PRKG1: variants seen among roughly 807,000 people sequenced by gnomAD.
PRKG1 encodes protein kinase cGMP-dependent 1.
Under a neutral mutation model 88.1 loss-of-function variants are expected in PRKG1, and 35 were observed. The observed-to-expected ratio is 0.40, with a 90% CI of 0.30 to 0.53. The LOEUF is 0.53. Among genes scored for constraint, PRKG1 ranks in the 20% least tolerant of loss-of-function variants. PRKG1 has a pLI of 0.59. For missense variants in PRKG1, 540 were observed against 839.8 expected (o/e 0.64, Z 4.41); for synonymous variants, 303 against 292.5 (o/e 1.04, Z -0.37).
At chr10:51,487,855 T>C (rs1055749275) in intron 3 of PRKG1, among the ~76,000 whole-genome samples, 1 of 152,046 alleles carries the variant, frequency 6.6e-6, no homozygotes, top group East Asian at 1.9e-4. Context: ...ACTCAAAAAG[T>C]GTTTTATTTC....
chr10:51,157,638 T>G (rs564510700), intron 2 of PRKG1, among the ~76,000 whole-genome samples: 1 of 151,996 alleles, frequency 6.6e-6, no homozygotes, highest in East Asian at 1.9e-4. Flanking sequence ...AATTTATACC[T>G]ATTATAATGA....
intron 3 of PRKG1, among the ~76,000 whole-genome samples, chr10:51,711,082 T>C (rs1341106927): frequency 1.3e-5 from 2 of 152,130 alleles, no homozygotes; most frequent in African/African-American, 2.4e-5. Context: ...ATTATGTTAT[T>C]TGAGAACTTT....
intron 1 of PRKG1, among the ~76,000 whole-genome samples, chr10:51,128,517 A>G (rs1321384452): frequency 6.6e-6 from 1 of 152,164 alleles, no homozygotes; most frequent in Non-Finnish European, 1.5e-5. Context: ...TTTAACTCCT[A>G]ATTTACAAAG....
intron 2 of PRKG1, among the ~76,000 whole-genome samples, chr10:51,376,822 C>G (rs1279313806): frequency 6.6e-6 from 1 of 152,012 alleles, no homozygotes; most frequent in Non-Finnish European, 1.5e-5. Flanking sequence ...TTACAGGCAC[C>G]TGCCACAACG....
chr10:51,222,848 T>C (rs553112388), intron 2 of PRKG1, among the ~76,000 whole-genome samples: 13 of 152,198 alleles, frequency 8.5e-5, no homozygotes, highest in African/African-American at 2.6e-4. Context: ...TGTATGGAAA[T>C]ATAATTGATA....
Position 51,169,492 on chromosome 10 carries a change from C to A in PRKG1, c.478+16162C>A, listed in dbSNP as rs9415757. Among the ~76,000 whole-genome samples, 1,496 of 152,144 alleles carry A rather than the reference C, an allele frequency of 9.8e-3. 35 individuals are homozygous for A. The highest frequency in any genetic ancestry group is 0.034 in the African/African-American group (1,409 of 41,536). ...ATTTTTTAAAATGCTGTTTTTACTTCTTTTTCTTGGAAAAACAACTTTCTT... is the reference window on the plus strand; with the variant it reads ...ATTTTTTAAAATGCTGTTTTTACTTATTTTTCTTGGAAAAACAACTTTCTT... On this transcript the variant is annotated intron_variant, in intron 2 of 17. Coordinates refer to ENST00000373980, the MANE Select transcript of PRKG1 (RefSeq NM_006258.4).
intron 3 of PRKG1, among the ~76,000 whole-genome samples, chr10:51,582,379 G>A (rs1838063050): frequency 6.6e-6 from 1 of 151,990 alleles, no homozygotes; most frequent in Admixed American, 6.6e-5. Flanking sequence ...TTGTTACATA[G>A]GTAAACGTGT....
intron 1 of PRKG1, among the ~76,000 whole-genome samples, chr10:51,094,313 A>G (rs1279694908): frequency 6.6e-6 from 1 of 152,116 alleles, no homozygotes; most frequent in Non-Finnish European, 1.5e-5. Context: ...GAACATAACA[A>G]TTGAGACAGA....
chr10:51,515,452 G>T (rs183385927), intron 3 of PRKG1, among the ~76,000 whole-genome samples: 2 of 152,138 alleles, frequency 1.3e-5, no homozygotes, highest in African/African-American at 4.8e-5. Context: ...GTGTCTAGTA[G>T]TAAAATCAGA....
chr10:51,527,202 G>A (rs1313139507), intron 3 of PRKG1, among the ~76,000 whole-genome samples: 8 of 152,018 alleles, frequency 5.3e-5, no homozygotes, highest in Admixed American at 3.9e-4. Flanking sequence ...GCTGAGGAAT[G>A]ATTGTATGAG....
intron 3 of PRKG1, among the ~76,000 whole-genome samples, chr10:51,539,551 C>T (rs1013250992): frequency 1.3e-5 from 2 of 152,160 alleles, no homozygotes; most frequent in Non-Finnish European, 2.9e-5. Context: ...GAATGATTTT[C>T]TCAAGACTTG....
intron 4 of PRKG1, among the ~76,000 whole-genome samples, chr10:51,883,067 A>C (rs1310591042): frequency 1.3e-5 from 2 of 152,236 alleles, no homozygotes; most frequent in African/African-American, 4.8e-5. Flanking sequence ...GACATCATCC[A>C]ACCTGTTGAG....
intron 7 of PRKG1, among the ~76,000 whole-genome samples, chr10:52,089,189 TG>T (rs1203817589): frequency 5.3e-5 from 8 of 152,136 alleles, no homozygotes; most frequent in Admixed American, 2.0e-4. Flanking sequence ...TTAGATTAAC[TG>T]GGTAACTTGA....
At position 51,546,056 on chromosome 10, in the gene PRKG1, A is replaced by AT. The variant is rs34133066; in HGVS notation, c.592+78233dup. 1.4e-3 allele frequency among the ~76,000 whole-genome samples: 198 copies of AT among 145,960 alleles called. 1 individual carries two copies. Among genetic ancestry groups the AT allele is most frequent in the African/African-American group, 2.9e-3 (117 of 39,688 alleles). ...GTTTTGTGCTTTCTGATCTACAGGT[A>AT]TTTTTTTTTTTTTGCTTCAAACATT... On this transcript the variant is annotated intron_variant, in intron 3 of 17. Coordinates refer to ENST00000373980, the MANE Select transcript of PRKG1 (RefSeq NM_006258.4).
At chr10:52,125,490 G>T (rs1246710340) in intron 7 of PRKG1, among the ~76,000 whole-genome samples, 2 of 152,058 alleles carry the variant, frequency 1.3e-5, no homozygotes, top group East Asian at 1.9e-4. Flanking sequence ...CATTAGAGTA[G>T]CCCTCACTTA....
chr10:51,877,773 A>C (rs985569599), intron 4 of PRKG1, among the ~76,000 whole-genome samples: 6 of 152,226 alleles, frequency 3.9e-5, no homozygotes, highest in African/African-American at 1.2e-4. Context: ...TCCTCAGGTT[A>C]TACTCAACTA....
At chr10:51,270,745 C>G (rs1839958228) in intron 2 of PRKG1, among the ~76,000 whole-genome samples, 1 of 152,136 alleles carries the variant, frequency 6.6e-6, no homozygotes, top group African/African-American at 2.4e-5. Context: ...ACCAATTCCA[C>G]TCCTTTGTCA....
Position 52,090,509 on chromosome 10 carries a change from G to A in PRKG1, c.935+27878G>A, listed in dbSNP as rs143191086. Reference sequence around the variant, plus strand: ...AATTAATAAATGTAGAAGAAATAAGGGAAATAGAAAATCATCATTGGATCA... The same window carrying A: ...AATTAATAAATGTAGAAGAAATAAGAGAAATAGAAAATCATCATTGGATCA... On this transcript the variant is annotated intron_variant, in intron 7 of 17. Coordinates refer to ENST00000373980, the MANE Select transcript of PRKG1 (RefSeq NM_006258.4). Among the ~76,000 whole-genome samples the A allele has an allele frequency of 5.1e-3, 755 of 147,942 alleles. 9 individuals carry two copies. Among genetic ancestry groups the A allele is most frequent in the African/African-American group, 0.017 (658 of 38,892 alleles).
intron 4 of PRKG1, among the ~76,000 whole-genome samples, chr10:51,865,276 G>C (rs1014521637): frequency 6.6e-6 from 1 of 152,000 alleles, no homozygotes; most frequent in Non-Finnish European, 1.5e-5. Context: ...TTATGACTTT[G>C]TTACCATTAC....
Sources: allele counts gnomAD v4.1 joint callset (sites outside exome capture counted in the v4.1 genomes callset), GRCh38; gene constraint gnomAD v4.1.1; transcripts MANE v1.5; gene names NCBI Gene and HGNC (gene_info 2026-07-23, HGNC 2026-07-21).